Variants in DNAH9 observed in about 807,000 individuals in gnomAD.
DNAH9 encodes DNAH9 variant protein.
DNAH9 carries 345 observed loss-of-function variants against 471.6 expected under a neutral mutation model. The observed-to-expected ratio is 0.73, with a 90% CI of 0.67 to 0.80. The LOEUF (loss-of-function observed/expected upper bound fraction) is 0.80. Among genes scored for constraint, DNAH9 ranks in the 30% least tolerant of loss-of-function variants. The pLI is 0.00. For synonymous variants in DNAH9, 2,093 were observed against 2,123.6 expected (o/e 0.99, Z 0.40); for missense variants, 5,407 against 5,609.2 (o/e 0.96, Z 1.15).
At chr17:11,828,582 G>A (rs1970583559) in intron 48 of DNAH9, among the ~76,000 whole-genome samples, 1 of 151,906 alleles carries the variant, frequency 6.6e-6, no homozygotes, top group South Asian at 2.1e-4. Context: ...TATGCTGGTA[G>A]CACACTAGAC....
chr17:11,715,199 A>G (rs2074937968), intron 26 of DNAH9, among the ~76,000 whole-genome samples: 1 of 152,202 alleles, frequency 6.6e-6, no homozygotes, highest in Non-Finnish European at 1.5e-5. Context: ...TTCCAGTTGA[A>G]TATCTGTACC....
At chr17:11,680,620 A>T in intron 18 of DNAH9, 103 bp from the exon 19 acceptor site, 2 of 960,926 alleles carry the variant, frequency 2.1e-6, no homozygotes, top group Non-Finnish European at 3.2e-6. Context: ...CCATTGTACC[A>T]TCTTGTAGCA....
chr17:11,789,873 T>A (rs999204399), intron 41 of DNAH9, among the ~76,000 whole-genome samples: 3 of 152,082 alleles, frequency 2.0e-5, no homozygotes, highest in African/African-American at 7.2e-5. Flanking sequence ...TCATGCAAGC[T>A]TTTATATGCT....
chr17:11,828,756 A>G (rs762933951), intron 48 of DNAH9, among the ~76,000 whole-genome samples: 8 of 152,088 alleles, frequency 5.3e-5, no homozygotes, highest in Non-Finnish European at 1.2e-4. Flanking sequence ...CCGAGACCTG[A>G]ACAATTTGTT....
Position 11,807,810 on chromosome 17 carries a change from C to A in DNAH9, c.8499C>A (p.Ser2833Arg). Residue 2833 changes from serine to arginine, a missense_variant, in exon 44 of 69, where the codon AGC becomes AGA. This residue lies in a region of DNAH9 where 4,636 missense variants were observed against 4,900.3 expected (regional missense o/e 0.95). Coordinates refer to ENST00000262442, the MANE Select transcript of DNAH9 (RefSeq NM_001372.4). ...GTGTAGGTGGGAGCGGCAAGCAGAG[C>A]CTGACAAGGCTGGCAGCTTTCATCA... ...LVGVGGSGKQ[S>R]LTRLAAFISS... 6.2e-7 allele frequency: 1 copy of A among 1,614,054 alleles called. No individual in the cohort carries two copies. The highest frequency in any genetic ancestry group is 8.5e-7 in the Non-Finnish European group (1 of 1,179,962).
At chr17:11,865,728 C>CT (rs1254161567) in intron 50 of DNAH9, among the ~76,000 whole-genome samples, 9 of 140,218 alleles carry the variant, frequency 6.4e-5, no homozygotes, top group Non-Finnish European at 7.9e-5. Flanking sequence ...TCTTTTTATT[C>CT]TTTTTTCTCT....
rs538375389 is a variant in DNAH9, at chr17:11,791,157, T to A, written c.8062-2346T>A. On this transcript the variant is annotated intron_variant, in intron 41 of 68. Coordinates refer to ENST00000262442, the MANE Select transcript of DNAH9 (RefSeq NM_001372.4). ...ATCTGTTGGAGAAGTATCTCACAATTTTAACTTGACCAAAAATATATTTCT... is the reference window on the plus strand; with the variant it reads ...ATCTGTTGGAGAAGTATCTCACAATATTAACTTGACCAAAAATATATTTCT... Among the ~76,000 whole-genome samples, 297 of 152,292 alleles carry A rather than the reference T, an allele frequency of 2.0e-3. 2 individuals are homozygous for A. The highest frequency in any genetic ancestry group is 6.7e-3 in the African/African-American group (277 of 41,576).
intron 48 of DNAH9, among the ~76,000 whole-genome samples, chr17:11,831,849 T>C (rs1970696292): frequency 6.6e-6 from 1 of 152,130 alleles, no homozygotes; most frequent in African/African-American, 2.4e-5. Context: ...CACCACTGCA[T>C]TGTCATCCCA....
intron 59 of DNAH9, among the ~76,000 whole-genome samples, chr17:11,900,639 TTTG>T (rs1462542866): frequency 5.3e-5 from 8 of 152,186 alleles, no homozygotes; most frequent in Admixed American, 3.9e-4. Flanking sequence ...GCTTGTGTTT[TTTG>T]TTGTTGTTGT....
At chr17:11,960,086 C>T (rs1054698327) in intron 67 of DNAH9, among the ~76,000 whole-genome samples, 17 of 152,202 alleles carry the variant, frequency 1.1e-4, no homozygotes, top group Admixed American at 3.9e-4. Context: ...CTGGCTGTCA[C>T]TCAGGAGACT....
intron 10 of DNAH9, among the ~76,000 whole-genome samples, chr17:11,642,379 A>C (rs961198398): frequency 6.6e-6 from 1 of 151,930 alleles, no homozygotes; most frequent in African/African-American, 2.4e-5. Context: ...CTCTACTAAA[A>C]ATACAAACAA....
intron 61 of DNAH9, among the ~76,000 whole-genome samples, chr17:11,913,517 T>C (rs1973851773): frequency 6.6e-6 from 1 of 152,100 alleles, no homozygotes; most frequent in Admixed American, 6.5e-5. Flanking sequence ...GCACGGTGGC[T>C]CATGCCTATA....
At chr17:11,604,701 T>C (rs1307042135) in intron 1 of DNAH9, among the ~76,000 whole-genome samples, 4 of 152,156 alleles carry the variant, frequency 2.6e-5, no homozygotes. Context: ...TGACCCTTTT[T>C]TTTTCTCTTG....
rs111683437 is a variant in DNAH9, at chr17:11,669,389, C to A, written c.2948C>A (p.Pro983Gln). 2.2e-5 allele frequency: 36 copies of A among 1,612,904 alleles called. 1 individual carries two copies. In the African/African-American group the frequency reaches 2.5e-4, roughly 11 times the overall value. Residue 983 changes from proline to glutamine, a missense_variant, in exon 17 of 69, where the codon CCA (proline) becomes CAA (glutamine). This residue lies in a region of DNAH9 where 4,636 missense variants were observed against 4,900.3 expected (regional missense o/e 0.95). Coordinates refer to ENST00000262442, the MANE Select transcript of DNAH9 (RefSeq NM_001372.4). Reference protein sequence around the residue: ...PHYQVDLDGIPDLANMRRTLM... With the variant: ...PHYQVDLDGIQDLANMRRTLM... ...CCCCAGGTCGACCTGGACGGTATAC[C>A]AGATTTGGCAAACATGCGGCGCACA... is the stretch of plus-strand genomic sequence containing the variant.
chr17:11,688,303 G>A (rs2074275039), intron 19 of DNAH9, among the ~76,000 whole-genome samples: 1 of 152,084 alleles, frequency 6.6e-6, no homozygotes, highest in African/African-American at 2.4e-5. Context: ...GCTAGAAATG[G>A]TGCTCATAGG....
chr17:11,927,344 C>T (rs1395534314), intron 62 of DNAH9, among the ~76,000 whole-genome samples: 2 of 152,142 alleles, frequency 1.3e-5, no homozygotes, highest in East Asian at 3.9e-4. Flanking sequence ...TGCCTATGTC[C>T]TGACTGATAT....
intron 62 of DNAH9, among the ~76,000 whole-genome samples, chr17:11,926,707 G>A (rs1051303198): frequency 2.6e-5 from 4 of 152,132 alleles, no homozygotes; most frequent in African/African-American, 9.7e-5. Flanking sequence ...GAATAGTGCT[G>A]CTGTGAACAT....
intron 50 of DNAH9, among the ~76,000 whole-genome samples, chr17:11,863,504 C>T (rs1453515613): frequency 3.3e-5 from 5 of 152,154 alleles, no homozygotes; most frequent in South Asian, 2.1e-4. Flanking sequence ...TGTCTCTGCC[C>T]GACTTTGGTA....
chr17:11,792,106 A>G (rs867346156), intron 41 of DNAH9, among the ~76,000 whole-genome samples: 4 of 151,720 alleles, frequency 2.6e-5, no homozygotes, highest in South Asian at 2.1e-4. Flanking sequence ...ACAATGAGAA[A>G]CCCCATCTCT....
Sources: gnomAD v4.1 joint callset for allele counts (sites outside exome capture counted in the v4.1 genomes callset) on GRCh38, gnomAD v4.1.1 for gene constraint, gnomAD v4.1.1 regional missense constraint, MANE v1.5 for transcripts, NCBI Gene and HGNC (gene_info 2026-07-23, HGNC 2026-07-21) for gene names.